The following ROR1 variants were observed in gnomAD, a reference collection of about 807,000 sequenced individuals.
ROR1 encodes the protein inactive tyrosine-protein kinase transmembrane receptor ROR1.
A neutral mutation model predicts 78.8 loss-of-function variants in ROR1; 19 were observed. That is an observed-to-expected ratio of 0.24 (90% confidence interval 0.17 to 0.35). The LOEUF is 0.35. ROR1 is among the 10% of genes least tolerant of loss of function. The pLI is 1.00. For missense variants in ROR1, 917 were observed against 1,177.8 expected (o/e 0.78, Z 3.24); for synonymous variants, 386 against 433.6 (o/e 0.89, Z 1.36).
At chr1:63,913,758 T>A (rs1279843092) in intron 1 of ROR1, among the ~76,000 whole-genome samples, 2 of 152,170 alleles carry the variant, frequency 1.3e-5, no homozygotes, top group Non-Finnish European at 2.9e-5. Context: ...CTGTCCAGGC[T>A]GTTTGGATAA....
rs190396153 is a variant in ROR1, at chr1:63,902,913, A to G, written c.92-106392A>G. Among the ~76,000 whole-genome samples the G allele has an allele frequency of 5.9e-5, 9 of 152,238 alleles. No homozygotes were observed. In the East Asian group the frequency reaches 1.7e-3, roughly 29 times the overall value. On this transcript the variant is annotated intron_variant, in intron 1 of 8. Coordinates refer to ENST00000371079, the MANE Select transcript of ROR1 (RefSeq NM_005012.4). ...CTCATCTGTAGTCCTAAGTTTGCTG[A>G]TCCTCCTTCTGCCTCACGTCCATGT...
At chr1:63,830,283 CTGGGTAGACCT>C (rs1356997160) in intron 1 of ROR1, among the ~76,000 whole-genome samples, 2 of 152,140 alleles carry the variant, frequency 1.3e-5, no homozygotes, top group African/African-American at 4.8e-5. Flanking sequence ...GGAGAAGAGG[CTGGGTAGACCT>C]TGGCCATATT....
chr1:63,877,199 T>C (rs894757066), intron 1 of ROR1, among the ~76,000 whole-genome samples: 1 of 152,120 alleles, frequency 6.6e-6, no homozygotes, highest in African/African-American at 2.4e-5. Context: ...AGTTAATAAC[T>C]TTGCCCAGAG....
chr1:63,910,530 C>T (rs1326553582), intron 1 of ROR1, among the ~76,000 whole-genome samples: 2 of 152,068 alleles, frequency 1.3e-5, no homozygotes, highest in Admixed American at 6.5e-5. Flanking sequence ...CCAGTCTTTG[C>T]CTCTTGAAAT....
chr1:64,000,807 G>A (rs1325628619), intron 1 of ROR1, among the ~76,000 whole-genome samples: 1 of 152,124 alleles, frequency 6.6e-6, no homozygotes, highest in Admixed American at 6.5e-5. Flanking sequence ...CTCCCCAAAC[G>A]GGAATATGTA....
At chr1:64,139,964 G>A (rs1649245989) in intron 5 of ROR1, 145 bp from the exon 6 acceptor site, 1 of 719,406 alleles carries the variant, frequency 1.4e-6, no homozygotes, top group Non-Finnish European at 2.3e-6. Context: ...TTAGACATCT[G>A]AAATGAATCT....
intron 2 of ROR1, among the ~76,000 whole-genome samples, chr1:64,038,164 T>A (rs1452600320): frequency 6.6e-6 from 1 of 152,098 alleles, no homozygotes; most frequent in Non-Finnish European, 1.5e-5. Context: ...ATTTATCTTC[T>A]GTTTCCCCTC....
chr1:63,774,448 C>T lies in ROR1; in HGVS notation c.31C>T (p.Pro11Ser). Residue 11 changes from proline (P) to serine (S), a missense_variant, in exon 1 of 9, where the codon CCG becomes TCG. By Grantham distance (74) the Pro-to-Ser change is moderately conservative (BLOSUM62 -1). Around this residue, in one of 3 missense-constraint regions of ROR1, gnomAD observed 63 missense variants for 57.0 expected, o/e 1.10. Transcript: ENST00000371079. This position sits in a 1 kb window ranked among gnomAD's most constrained non-coding sequence, Gnocchi z 5.7. MHRPRRRGTR[P>S]PLLALLAALL... ...CCGGCCGCGCCGCCGCGGGACGCGC[C>T]CGCCGCTCCTGGCGCTGCTGGCCGC... The T allele has an allele frequency of 8.5e-7, 1 of 1,176,006 alleles. No homozygotes were observed. Among genetic ancestry groups the T allele is most frequent in the Middle Eastern group, 3.5e-4 (1 of 2,854 alleles). The allele number at this position is 1,176,006 out of a possible 1,614,324, so 72.8% of individuals were successfully genotyped here.
intron 1 of ROR1, among the ~76,000 whole-genome samples, chr1:63,781,872 G>A (rs1436013801): frequency 2.0e-5 from 3 of 152,186 alleles, no homozygotes; most frequent in Non-Finnish European, 4.4e-5. Context: ...GTCACCAAAT[G>A]AAAGGGAAGA....
At chr1:64,122,652 A>G (rs1053244746) in intron 4 of ROR1, among the ~76,000 whole-genome samples, 1 of 152,170 alleles carries the variant, frequency 6.6e-6, no homozygotes. Context: ...GAGATGAGGA[A>G]CTGGAGAAGG....
chr1:64,152,738 A>T (rs963795286), intron 7 of ROR1, among the ~76,000 whole-genome samples: 2 of 152,194 alleles, frequency 1.3e-5, no homozygotes, highest in Non-Finnish European at 2.9e-5. Context: ...ATTTTATTCC[A>T]TAATTAAACA....
At chr1:64,062,722 A>G (rs574995132) in intron 4 of ROR1, among the ~76,000 whole-genome samples, 19 of 152,352 alleles carry the variant, frequency 1.2e-4, no homozygotes, top group African/African-American at 4.3e-4. Context: ...ATGCAGGTCC[A>G]TTATTGATTC....
chr1:63,938,448 C>T (rs1440235143), intron 1 of ROR1, among the ~76,000 whole-genome samples: 3 of 152,056 alleles, frequency 2.0e-5, no homozygotes, highest in Non-Finnish European at 1.5e-5. Context: ...CTGCACCTCC[C>T]CTTAGTGACT....
chr1:64,009,459 A>G (rs1646458255), intron 2 of ROR1, 83 bp downstream of exon 2: 4 of 1,090,948 alleles, frequency 3.7e-6, no homozygotes, highest in South Asian at 2.5e-5. Context: ...TTTGAAATCA[A>G]CTGTTTTTCA....
chr1:63,849,383 G>T (rs979191185), intron 1 of ROR1, among the ~76,000 whole-genome samples: 1 of 152,074 alleles, frequency 6.6e-6, no homozygotes, highest in Non-Finnish European at 1.5e-5. Flanking sequence ...AGTTTGTGAT[G>T]GCCACCAGTC....
chr1:64,108,567 A>G (rs1647936767), intron 4 of ROR1, among the ~76,000 whole-genome samples: 1 of 152,148 alleles, frequency 6.6e-6, no homozygotes, highest in African/African-American at 2.4e-5. Context: ...TTAAGTGACA[A>G]GGGCAGAGCT....
chr1:63,826,454 T>C (rs1177543858), intron 1 of ROR1, among the ~76,000 whole-genome samples: 2 of 152,222 alleles, frequency 1.3e-5, no homozygotes, highest in Admixed American at 6.5e-5. Context: ...TAGTATTCCA[T>C]GGTGTATACA....
At chr1:64,045,019 T>G (rs1646773247) in intron 2 of ROR1, among the ~76,000 whole-genome samples, 1 of 152,220 alleles carries the variant, frequency 6.6e-6, no homozygotes, top group Non-Finnish European at 1.5e-5. Context: ...CAAAATCGTA[T>G]GTAGGTAGAA....
chr1:64,161,101 G>A (rs1057065032), intron 8 of ROR1, among the ~76,000 whole-genome samples: 3 of 152,088 alleles, frequency 2.0e-5, no homozygotes, highest in East Asian at 1.9e-4. Flanking sequence ...TATATATATC[G>A]ATGAATACAA....
Sources: allele counts gnomAD v4.1 joint callset (sites outside exome capture counted in the v4.1 genomes callset), GRCh38; gene constraint gnomAD v4.1.1; regional missense constraint gnomAD v4.1.1; non-coding constraint Gnocchi (gnomAD v3.1); transcripts MANE v1.5; gene names NCBI Gene and HGNC (gene_info 2026-07-23, HGNC 2026-07-21).